Variants in MYO18B observed in about 807,000 individuals in gnomAD.
The protein encoded by MYO18B is unconventional myosin-XVIIIb.
A neutral mutation model predicts 273.0 loss-of-function variants in MYO18B; 204 were observed. The ratio of observed to expected loss-of-function variants is 0.75; its 90% CI spans 0.67 to 0.84. MYO18B has a LOEUF of 0.84. MYO18B is among the 40% of genes least tolerant of loss of function. The pLI, the probability that MYO18B is intolerant of heterozygous loss-of-function variation, is 0.00. For missense variants in MYO18B, 3,212 were observed against 3,287.6 expected, an observed-to-expected ratio of 0.98 and a Z score of 0.56; for synonymous variants, 1,330 against 1,305.7, an observed-to-expected ratio of 1.02 and a Z score of -0.40.
chr22:25,747,599 G>A (rs776906077), intron 1 of MYO18B, among the ~76,000 whole-genome samples: 16 of 151,698 alleles, frequency 1.1e-4, no homozygotes, highest in Non-Finnish European at 1.9e-4. Flanking sequence ...AGAGCCAATG[G>A]GCTGGAGGAG....
rs190197058 is a variant in MYO18B at position 25,769,027 on chromosome 22, A to T, written c.1111A>T (p.Met371Leu). The T allele has an allele frequency of 2.2e-3, 3,484 of 1,611,608 alleles. 83 individuals carry two copies. The South Asian group carries it at 0.034, about 16-fold the overall frequency. Reference protein sequence around the residue: ...VQGELGDDLRMGEKAGELRST... With the variant: ...VQGELGDDLRLGEKAGELRST... Reference sequence around the variant, plus strand: ...GGGCGAGTTGGGGGACGATCTGAGAATGGGGGAGAAAGCAGGTGAGCTTCG... The same window carrying T: ...GGGCGAGTTGGGGGACGATCTGAGATTGGGGGAGAAAGCAGGTGAGCTTCG... The change falls in exon 4 of 44, where the codon ATG (methionine) becomes TTG (leucine). Residue 371 changes from methionine to leucine, a missense_variant. Coordinates refer to ENST00000335473, the MANE Select transcript of MYO18B (RefSeq NM_032608.7).
intron 39 of MYO18B, among the ~76,000 whole-genome samples, chr22:25,986,685 A>G (rs980197935): frequency 3.9e-5 from 6 of 152,246 alleles, no homozygotes; most frequent in African/African-American, 1.2e-4. Context: ...ACCCTGATCT[A>G]TAGGATAAAG....
chr22:26,004,369 C>G (rs8139008), intron 41 of MYO18B, among the ~76,000 whole-genome samples: 19,709 of 152,186 alleles, frequency 0.13, 1,379 homozygotes, highest in African/African-American at 0.17. Flanking sequence ...AACTTTACTC[C>G]TAAATTGGAG....
intron 13 of MYO18B, among the ~76,000 whole-genome samples, chr22:25,824,635 C>A (rs1479050966): frequency 6.6e-6 from 1 of 152,066 alleles, no homozygotes; most frequent in African/African-American, 2.4e-5. Context: ...AGCTCCTTTG[C>A]ACCTTTGGAG....
intron 36 of MYO18B, among the ~76,000 whole-genome samples, chr22:25,948,674 A>G (rs2092757135): frequency 6.6e-6 from 1 of 151,846 alleles, no homozygotes; most frequent in African/African-American, 2.4e-5. Context: ...AATGCTAAGT[A>G]TATTGTGGTG....
the MYO18B span, among the ~76,000 whole-genome samples, chr22:26,041,058 C>T: frequency 1.3e-5 from 2 of 152,166 alleles, no homozygotes; most frequent in African/African-American, 2.4e-5. Context: ...GTCCAACCCA[C>T]GGTCCGTGGG....
intron 21 of MYO18B, among the ~76,000 whole-genome samples, chr22:25,861,005 C>T (rs2090717393): frequency 6.6e-6 from 1 of 151,868 alleles, no homozygotes; most frequent in Admixed American, 6.6e-5. Flanking sequence ...CCTCCTATTT[C>T]AGCCCCCTGC....
chr22:25,938,836 G>T (rs1263672623), intron 34 of MYO18B, among the ~76,000 whole-genome samples: 1 of 152,164 alleles, frequency 6.6e-6, no homozygotes, highest in Non-Finnish European at 1.5e-5. Context: ...GTTTGGTTTT[G>T]CTTTTTTAAG....
At chr22:25,934,482 A>T (rs571133995) in intron 34 of MYO18B, among the ~76,000 whole-genome samples, 1 of 152,288 alleles carries the variant, frequency 6.6e-6, no homozygotes, top group South Asian at 2.1e-4. Flanking sequence ...GGCAGGTCTC[A>T]GTTAATTTAG....
In MYO18B at chr22:25,976,547, C is replaced by T. The variant is rs6004858; in HGVS notation, c.6157-15816C>T. Among the ~76,000 whole-genome samples the T allele has an allele frequency of 9.7e-3, 1,473 of 152,266 alleles. 22 individuals are homozygous for T. The highest frequency in any genetic ancestry group is 0.034 in the African/African-American group (1,419 of 41,540). ...CAGAAATCATTGTCTTAATTTTAGT[C>T]ATTAACATGCCTGGCCACATGCTGT... On this transcript the variant is annotated intron_variant, in intron 39 of 43. Coordinates refer to ENST00000335473, the MANE Select transcript of MYO18B (RefSeq NM_032608.7).
At position 25,768,742 on chromosome 22, in the gene MYO18B, G is replaced by T. The variant is rs755575778; in HGVS notation, c.826G>T (p.Gly276Trp). The T allele has an allele frequency of 1.1e-5, 17 of 1,603,244 alleles. No homozygotes were observed. Among genetic ancestry groups the T allele is most frequent in the Middle Eastern group, 1.7e-4 (1 of 6,038 alleles). The change falls in exon 4 of 44, where the codon GGG (glycine) becomes TGG (tryptophan). Residue 276 changes from glycine to tryptophan, a missense_variant. Physicochemically the swap from Gly to Trp is radical, Grantham distance 184 (BLOSUM62 -2). Transcript: ENST00000335473. ...TRPQAQGPGE[G>W]VRPGKAEKEG... ...GCCCCAAGCCCAAGGGCCCGGCGAG[G>T]GGGTGCGACCAGGGAAAGCAGAGAA...
chr22:25,847,400 C>T (rs1454016498), intron 19 of MYO18B, 30 bp from the exon 20 acceptor site: 11 of 1,536,724 alleles, frequency 7.2e-6, no homozygotes, highest in African/African-American at 1.4e-5. Flanking sequence ...TGTGAGACAA[C>T]TGGCCCTGAC....
chr22:25,988,986 C>T (rs2093231660), intron 39 of MYO18B, among the ~76,000 whole-genome samples: 1 of 152,170 alleles, frequency 6.6e-6, no homozygotes, highest in Non-Finnish European at 1.5e-5. Context: ...ACTCCTATTT[C>T]TTCTGCCCAC....
chr22:26,029,343 C>T (rs997664196), intron 43 of MYO18B, among the ~76,000 whole-genome samples: 1 of 152,176 alleles, frequency 6.6e-6, no homozygotes, highest in South Asian at 2.1e-4. Context: ...TGAGAGACAG[C>T]CTCAGCCCAT....
intron 22 of MYO18B, among the ~76,000 whole-genome samples, chr22:25,869,411 C>G (rs2090983056): frequency 8.1e-6 from 1 of 123,458 alleles, no homozygotes. Context: ...GATCGTGCCA[C>G]TGTACTCCAG....
chr22:25,845,841 C>G (rs111851359), intron 18 of MYO18B, among the ~76,000 whole-genome samples: 3 of 152,232 alleles, frequency 2.0e-5, no homozygotes, highest in African/African-American at 7.2e-5. Context: ...GACAGATGCT[C>G]TAAGCCTAGG....
At chr22:25,969,400 GCAGCACCATAAAATA>G (rs2093012545) in intron 39 of MYO18B, among the ~76,000 whole-genome samples, 1 of 152,170 alleles carries the variant, frequency 6.6e-6, no homozygotes, top group African/African-American at 2.4e-5. Context: ...GGCCCCTGAG[GCAGCACCATAAAATA>G]CAGCTTGATA....
At chr22:25,953,582 C>T (rs1287744545) in intron 38 of MYO18B, 4 of 152,144 alleles carry the variant, frequency 2.6e-5, no homozygotes, top group Non-Finnish European at 5.9e-5. Context: ...TGCTTTGACC[C>T]TCAGTGGTTC....
intron 12 of MYO18B, among the ~76,000 whole-genome samples, chr22:25,809,799 A>G (rs1394641686): frequency 2.0e-5 from 3 of 152,140 alleles, no homozygotes; most frequent in Admixed American, 6.5e-5. Context: ...AAGTGGCTGG[A>G]TGCTCTTCAA....
Sources: allele counts gnomAD v4.1 joint callset (sites outside exome capture counted in the v4.1 genomes callset), GRCh38; gene constraint gnomAD v4.1.1; transcripts MANE v1.5; gene names NCBI Gene and HGNC (gene_info 2026-07-23, HGNC 2026-07-21).